ZC3H6: variants seen among roughly 807,000 people sequenced by gnomAD.
ZC3H6 encodes zinc finger CCCH-type containing 6, also known as zinc finger CCCH domain-containing protein 6.
A neutral mutation model predicts 107.7 loss-of-function variants in ZC3H6; 40 were observed. That is an observed-to-expected ratio of 0.37 (90% CI 0.29 to 0.48). The LOEUF (loss-of-function observed/expected upper bound fraction) is 0.48, where lower values mean the gene tolerates loss of function less well. Ranked by LOEUF, ZC3H6 falls within the 20% of genes least tolerant of loss-of-function variation. The pLI is 0.98. For missense variants in ZC3H6, 1,267 were observed against 1,410.4 expected (o/e 0.90, Z 1.63); for synonymous variants, 493 against 487.9 (o/e 1.01, Z -0.14).
At chr2:112,324,035 C>CA in intron 9 of ZC3H6, 117 bp from the exon 10 acceptor site, 1 of 1,127,796 alleles carries the variant, frequency 8.9e-7, no homozygotes, top group Non-Finnish European at 1.2e-6. Flanking sequence ...TTCTTAAACA[C>CA]ACAGTATTCT....
In ZC3H6 at chr2:112,322,697, G is replaced by A; in HGVS notation, c.1135G>A (p.Glu379Lys). 6.2e-7 allele frequency: 1 copy of A among 1,612,558 alleles called. No homozygotes were observed. Among genetic ancestry groups the A allele is most frequent in the Non-Finnish European group, 8.5e-7 (1 of 1,179,530 alleles). ...ELINEDEREL[E>K]ELRKRGITPL... The stretch of plus-strand genomic sequence containing the variant: ...CATAAATGAAGATGAAAGAGAATTA[G>A]AGGAACTTAGAAAGCGTGGCATAAC... The change falls in exon 9 of 12, where the codon GAG becomes AAG. Residue 379 changes from glutamate (E) to lysine (K), a missense_variant. Around this residue, in one of 3 missense-constraint regions of ZC3H6, gnomAD observed 925 missense variants for 1,025.7 expected, o/e 0.90. Coordinates refer to ENST00000409871, the MANE Select transcript of ZC3H6 (RefSeq NM_198581.3).
chr2:112,335,778 T>G lies in ZC3H6; in HGVS notation c.*3290T>G, dbSNP rs545209801. 1.3e-5 allele frequency: 2 copies of G among 151,890 alleles called. No individual in the cohort carries two copies. The highest frequency in any genetic ancestry group is 2.9e-5 in the Non-Finnish European group (2 of 67,968). 9.4% of individuals were successfully genotyped at this position (151,890 alleles called of 1,614,324 possible). On this transcript the variant is annotated 3_prime_UTR_variant, in exon 12 of 12. Coordinates refer to ENST00000409871, the MANE Select transcript of ZC3H6 (RefSeq NM_198581.3). ...CACAACAGTAGAATTTCCTGAGAGG[T>G]TGAGTGAATATTAACCCATCAAGTT...
At position 112,276,036 on chromosome 2, in the gene ZC3H6, C is replaced by T. The variant is rs774809936; in HGVS notation, c.32+10C>T. 36 of 1,541,030 alleles carry T rather than the reference C, an allele frequency of 2.3e-5. No individual in the cohort carries two copies. Among genetic ancestry groups the T allele is most frequent in the Non-Finnish European group, 2.9e-5 (33 of 1,142,750 alleles). ...ATGCAGGGCACGACAGGTCGGGAAC[C>T]CTTCTTGTCTGTCTTTCTGTCGGAT... On this transcript the variant is annotated intron_variant, in intron 1 of 11. Coordinates refer to ENST00000409871, the MANE Select transcript of ZC3H6 (RefSeq NM_198581.3).
At chr2:112,313,248 C>T (rs187211754) in intron 5 of ZC3H6, among the ~76,000 whole-genome samples, 14 of 152,258 alleles carry the variant, frequency 9.2e-5, no homozygotes, top group Admixed American at 8.5e-4. Flanking sequence ...TTCCATGGAA[C>T]AGCAGCTTTG....
rs1358700171 is a variant in ZC3H6, at chr2:112,332,430, A to G, written c.3512A>G (p.Asp1171Gly). Residue 1171 changes from aspartate to glycine, a missense_variant, in exon 12 of 12, where the codon GAC becomes GGC. Physicochemically the swap from Asp to Gly is moderately conservative, Grantham distance 94. Coordinates refer to ENST00000409871, the MANE Select transcript of ZC3H6 (RefSeq NM_198581.3). ...AATGATCCCGGTAGAGAAACAGATG[A>G]CAAATCTCTGAAAGAGGTTTTTAAA... is the stretch of plus-strand genomic sequence containing the variant. ...PDNDPGRETD[D>G]KSLKEVFKTF... 3.1e-6 allele frequency: 5 copies of G among 1,611,454 alleles called. No individual in the cohort carries two copies. In the East Asian group the frequency reaches 6.7e-5, roughly 22 times the overall value.
At chr2:112,320,271 A>T (rs1224890383) in intron 7 of ZC3H6, among the ~76,000 whole-genome samples, 1 of 152,202 alleles carries the variant, frequency 6.6e-6, no homozygotes, top group Non-Finnish European at 1.5e-5. Flanking sequence ...ATCTATAATG[A>T]TTGTGAATAT....
chr2:112,323,807 G>T (rs1321000929), intron 9 of ZC3H6, among the ~76,000 whole-genome samples: 1 of 152,166 alleles, frequency 6.6e-6, no homozygotes, highest in Non-Finnish European at 1.5e-5. Flanking sequence ...ACTGTAAAAG[G>T]TTATATATGC....
intron 7 of ZC3H6, among the ~76,000 whole-genome samples, chr2:112,319,373 C>T (rs34471791): frequency 0.51 from 77,468 of 151,870 alleles, 21,952 homozygotes; most frequent in East Asian, 0.77. Context: ...GGGCCAGGCA[C>T]GGTGGCTCAT....
intron 5 of ZC3H6, among the ~76,000 whole-genome samples, chr2:112,315,951 G>A (rs1406582530): frequency 6.6e-6 from 1 of 152,078 alleles, no homozygotes; most frequent in Admixed American, 6.6e-5. Context: ...CCACCTAAGT[G>A]TATCATAATA....
At chr2:112,303,757 G>A (rs1274837102) in intron 3 of ZC3H6, among the ~76,000 whole-genome samples, 1 of 152,116 alleles carries the variant, frequency 6.6e-6, no homozygotes, top group Non-Finnish European at 1.5e-5. Context: ...TCCGTTGTGT[G>A]TATATATCAC....
intron 5 of ZC3H6, among the ~76,000 whole-genome samples, chr2:112,313,483 T>C (rs993766376): frequency 3.9e-5 from 6 of 152,198 alleles, no homozygotes; most frequent in Admixed American, 3.9e-4. Flanking sequence ...CCTGTCTCTT[T>C]GCCTCAATTT....
intron 5 of ZC3H6, among the ~76,000 whole-genome samples, chr2:112,316,252 T>C (rs1676692667): frequency 7.4e-6 from 1 of 135,024 alleles, no homozygotes; most frequent in Non-Finnish European, 1.5e-5. Flanking sequence ...TCATCTTCAT[T>C]AAAATAGAAA....
chr2:112,325,154 A>G lies in ZC3H6; in HGVS notation c.2043A>G (p.Glu681=), dbSNP rs1477069609. ...CTCAGAGATACCAAGAAGATGAAGAACAAACCAGCACCCAACCTCATAGGG... is the reference window on the plus strand; with the variant it reads ...CTCAGAGATACCAAGAAGATGAAGAGCAAACCAGCACCCAACCTCATAGGG... The part of the protein sequence containing the change: ...RLTQRYQEDE[E]QTSTQPHRAP... The change falls in exon 11 of 12, where the codon GAA becomes GAG. Residue 681 remains glutamate (E), a synonymous_variant. Coordinates refer to ENST00000409871, the MANE Select transcript of ZC3H6 (RefSeq NM_198581.3). 1.9e-6 allele frequency: 3 copies of G among 1,613,918 alleles called. No homozygotes were observed. Among genetic ancestry groups the G allele is most frequent in the East Asian group, 4.5e-5 (2 of 44,898 alleles).
Position 112,275,885 on chromosome 2 carries a change from G to T in ZC3H6, c.-110G>T. The T allele has an allele frequency of 1.2e-6, 1 of 853,580 alleles. No homozygotes were observed. The allele number at this position is 853,580 out of a possible 1,614,324, so 52.9% of individuals were successfully genotyped here. ...GTTTTTACCACTTCGTCACCTGTCGGCGGCGGCCGGGAGCAGGTTCCCGCA... is the reference window on the plus strand; with the variant it reads ...GTTTTTACCACTTCGTCACCTGTCGTCGGCGGCCGGGAGCAGGTTCCCGCA... On this transcript the variant is annotated 5_prime_UTR_variant, in exon 1 of 12. Coordinates refer to ENST00000409871, the MANE Select transcript of ZC3H6 (RefSeq NM_198581.3).
intron 5 of ZC3H6, among the ~76,000 whole-genome samples, chr2:112,313,692 G>A (rs936738577): frequency 6.6e-6 from 1 of 152,116 alleles, no homozygotes; most frequent in South Asian, 2.1e-4. Context: ...AGAAACAACT[G>A]GGAGTGTGCC....
Position 112,334,755 on chromosome 2 carries a change from T to C in ZC3H6, c.*2267T>C, listed in dbSNP as rs1353309309. On this transcript the variant is annotated 3_prime_UTR_variant, in exon 12 of 12. Transcript: ENST00000409871. ...TCTGTCATATCCTGTAAACATAGTT[T>C]ATTTTTCTTCTTTTTTCCCATTTTC... 6.6e-6 allele frequency: 1 copy of C among 152,640 alleles called. No homozygotes were observed. The highest frequency in any genetic ancestry group is 1.5e-5 in the Non-Finnish European group (1 of 68,012). 9.5% of individuals were successfully genotyped at this position (152,640 alleles called of 1,614,324 possible). A position where few individuals can be genotyped will look rare whatever the true frequency, so the allele number is the denominator to read the frequency against.
chr2:112,299,839 C>G lies in ZC3H6; in HGVS notation c.33-10C>G. 1 of 1,369,218 alleles carries G rather than the reference C, an allele frequency of 7.3e-7. No individual in the cohort carries two copies. 84.8% of individuals were successfully genotyped at this position (1,369,218 alleles called of 1,614,324 possible). ...AATGATATTTGAAAATTAAAATTTTCCTTCTATAGAGAAGATGGCGAATTA... is the reference window on the plus strand; with the variant it reads ...AATGATATTTGAAAATTAAAATTTTGCTTCTATAGAGAAGATGGCGAATTA... On this transcript the variant is annotated splice_polypyrimidine_tract_variant and intron_variant, in intron 1 of 11. Transcript: ENST00000409871.
intron 3 of ZC3H6, among the ~76,000 whole-genome samples, chr2:112,304,118 G>A (rs909541808): frequency 6.6e-6 from 1 of 152,078 alleles, no homozygotes. Flanking sequence ...CCTTGCCAAC[G>A]TGTGTTTTTT....
intron 1 of ZC3H6, among the ~76,000 whole-genome samples, chr2:112,291,465 C>T (rs1288922606): frequency 6.6e-6 from 1 of 152,208 alleles, no homozygotes; most frequent in Non-Finnish European, 1.5e-5. Context: ...AACTCCTGAC[C>T]TCAGGTAATC....
Sources: allele counts gnomAD v4.1 joint callset (sites outside exome capture counted in the v4.1 genomes callset), GRCh38; gene constraint gnomAD v4.1.1; regional missense constraint gnomAD v4.1.1; transcripts MANE v1.5; gene names NCBI Gene and HGNC (gene_info 2026-07-23, HGNC 2026-07-21).